The following KCNQ5 variants were observed in gnomAD, a reference collection of about 807,000 sequenced individuals.
KCNQ5 encodes potassium voltage-gated channel subfamily Q member 5.
Under a neutral mutation model 98.2 loss-of-function variants are expected in KCNQ5, and 30 were observed. The ratio of observed to expected loss-of-function variants is 0.31; its 90% CI spans 0.23 to 0.41. The LOEUF is 0.41. Ranked by LOEUF, KCNQ5 falls within the 10% of genes least tolerant of loss-of-function variation. The pLI, the probability that KCNQ5 is intolerant of heterozygous loss-of-function variation, is 1.00. For missense variants in KCNQ5, 835 were observed against 1,182.5 expected (o/e 0.71, Z 4.31); for synonymous variants, 458 against 449.4 (o/e 1.02, Z -0.24).
intron 5 of KCNQ5, among the ~76,000 whole-genome samples, chr6:73,094,470 TG>T (rs1774396007): frequency 1.3e-5 from 2 of 152,156 alleles, no homozygotes; most frequent in African/African-American, 4.8e-5. Flanking sequence ...CTTGGTTTTT[TG>T]TTTTTTGTTT....
At chr6:72,999,541 A>C (rs1406210642) in intron 1 of KCNQ5, among the ~76,000 whole-genome samples, 2 of 152,212 alleles carry the variant, frequency 1.3e-5, no homozygotes, top group Non-Finnish European at 2.9e-5. Flanking sequence ...CTCATCATAA[A>C]GCTGACAGGT....
intron 1 of KCNQ5, among the ~76,000 whole-genome samples, chr6:72,750,151 A>G (rs1771604282): frequency 6.6e-6 from 1 of 152,062 alleles, no homozygotes; most frequent in African/African-American, 2.4e-5. Flanking sequence ...TAATCTGGCC[A>G]CAATGTGAGT....
intron 5 of KCNQ5, among the ~76,000 whole-genome samples, chr6:73,094,761 T>C (rs908239905): frequency 6.6e-6 from 1 of 152,192 alleles, no homozygotes; most frequent in African/African-American, 2.4e-5. Flanking sequence ...CAATACCTTC[T>C]AGCTTATAGG....
At chr6:72,903,678 A>G (rs1053587064) in intron 1 of KCNQ5, among the ~76,000 whole-genome samples, 26 of 152,108 alleles carry the variant, frequency 1.7e-4, no homozygotes, top group African/African-American at 6.3e-4. Flanking sequence ...GTTTTATTCC[A>G]CTGTGGTCTG....
At chr6:72,696,560 C>G (rs549691948) in intron 1 of KCNQ5, among the ~76,000 whole-genome samples, 1 of 152,124 alleles carries the variant, frequency 6.6e-6, no homozygotes, top group African/African-American at 2.4e-5. Flanking sequence ...AATTTTTCTC[C>G]AACATTTTTG....
chr6:73,116,701 G>A (rs1444690832), intron 7 of KCNQ5, among the ~76,000 whole-genome samples: 1 of 151,970 alleles, frequency 6.6e-6, no homozygotes, highest in Non-Finnish European at 1.5e-5. Flanking sequence ...AATAAATAAG[G>A]ATTCTTAAAA....
intron 1 of KCNQ5, among the ~76,000 whole-genome samples, chr6:72,789,540 C>T (rs995473242): frequency 3.3e-5 from 5 of 151,980 alleles, no homozygotes; most frequent in Admixed American, 6.6e-5. Context: ...TTAAATATAA[C>T]TTATATAGAG....
intron 1 of KCNQ5, among the ~76,000 whole-genome samples, chr6:72,664,559 G>T (rs757825540): frequency 5.3e-5 from 8 of 152,096 alleles, no homozygotes; most frequent in Non-Finnish European, 1.2e-4. Flanking sequence ...GGAGGCTGAG[G>T]CAGGAGAGTC....
At chr6:73,163,070 T>C (rs1343713831) in intron 10 of KCNQ5, among the ~76,000 whole-genome samples, 3 of 152,092 alleles carry the variant, frequency 2.0e-5, no homozygotes, top group African/African-American at 4.8e-5. Context: ...AATGAATGAA[T>C]GAATGAATAC....
At chr6:72,891,988 G>A (rs530229781) in intron 1 of KCNQ5, among the ~76,000 whole-genome samples, 17 of 152,134 alleles carry the variant, frequency 1.1e-4, no homozygotes, top group Admixed American at 3.3e-4. Flanking sequence ...AGGAAACTTA[G>A]GGTCATTTTT....
intron 8 of KCNQ5, 86 bp from the exon 9 acceptor site, chr6:73,124,400 C>T (rs1269621115): frequency 4.2e-6 from 5 of 1,204,246 alleles, no homozygotes; most frequent in African/African-American, 1.5e-5. Context: ...ATTTGATTCC[C>T]CAATCTCCAA....
At chr6:72,774,433 T>TA (rs1199522918) in intron 1 of KCNQ5, among the ~76,000 whole-genome samples, 2 of 152,114 alleles carry the variant, frequency 1.3e-5, no homozygotes, top group African/African-American at 4.8e-5. Context: ...AAAGATTTCT[T>TA]AAACTAAAAC....
At chr6:72,664,660 AAAACAAAC>A (rs146656242) in intron 1 of KCNQ5, among the ~76,000 whole-genome samples, 38,994 of 150,478 alleles carry the variant, frequency 0.26, 6,879 homozygotes, top group East Asian at 0.51. Flanking sequence ...TGTCTCAAGA[AAAACAAAC>A]AAACAAACAA....
chr6:72,638,202 A>G (rs969639303), intron 1 of KCNQ5, among the ~76,000 whole-genome samples: 3 of 152,194 alleles, frequency 2.0e-5, no homozygotes, highest in African/African-American at 4.8e-5. Context: ...TCAGTAGCCC[A>G]TTATTCCTTT....
chr6:73,068,968 T>C (rs1773189296), intron 3 of KCNQ5, among the ~76,000 whole-genome samples: 2 of 152,316 alleles, frequency 1.3e-5, no homozygotes, highest in South Asian at 4.1e-4. Context: ...CAATTTATTC[T>C]TACAGAAAAT....
intron 10 of KCNQ5, among the ~76,000 whole-genome samples, chr6:73,164,086 G>T (rs60710559): frequency 0.028 from 4,278 of 152,138 alleles, 94 homozygotes; most frequent in East Asian, 0.098. Flanking sequence ...GTAGAAATTT[G>T]GTGACGTTTT....
chr6:73,110,566 A>G (rs1775202289), intron 6 of KCNQ5, among the ~76,000 whole-genome samples: 1 of 152,208 alleles, frequency 6.6e-6, no homozygotes, highest in Non-Finnish European at 1.5e-5. Context: ...TAAAAAAGGC[A>G]AGGAATGGTA....
chr6:72,812,656 G>T (rs1775299179), intron 1 of KCNQ5, among the ~76,000 whole-genome samples: 1 of 152,138 alleles, frequency 6.6e-6, no homozygotes, highest in African/African-American at 2.4e-5. Flanking sequence ...AGTCAGAGAG[G>T]CTTATTAACT....
intron 1 of KCNQ5, among the ~76,000 whole-genome samples, chr6:72,881,528 T>G (rs986186545): frequency 6.6e-6 from 1 of 152,190 alleles, no homozygotes; most frequent in Non-Finnish European, 1.5e-5. Flanking sequence ...TCAAAGATAT[T>G]ATCTATCAAC....
Sources: gnomAD v4.1 joint callset for allele counts (sites outside exome capture counted in the v4.1 genomes callset) on GRCh38, gnomAD v4.1.1 for gene constraint, MANE v1.5 for transcripts, NCBI Gene and HGNC (gene_info 2026-07-23, HGNC 2026-07-21) for gene names.